Variants in COL25A1 observed in about 807,000 individuals in gnomAD.
The protein encoded by COL25A1 is collagen type XXV alpha 1 chain.
COL25A1 carries 103 observed loss-of-function variants against 128.4 expected under a neutral mutation model. The observed-to-expected ratio is 0.80, with a 90% CI of 0.68 to 0.94. The LOEUF (loss-of-function observed/expected upper bound fraction) is 0.94. COL25A1 is among the 40% of genes least tolerant of loss of function. The probability of loss-of-function intolerance (pLI) is 0.00; values close to 1 mark genes in which losing one functional copy is unlikely to be tolerated. For synonymous variants in COL25A1, 279 were observed against 277.2 expected (o/e 1.01, Z -0.06); for missense variants, 745 against 840.0 (o/e 0.89, Z 1.40).
chr4:109,109,291 C>T (rs759663150), intron 3 of COL25A1, among the ~76,000 whole-genome samples: 6 of 152,146 alleles, frequency 3.9e-5, no homozygotes, highest in African/African-American at 1.2e-4. Context: ...ACCCAGAAAT[C>T]GGAATTTCTC....
At chr4:108,998,081 CT>C (rs1304995788) in intron 6 of COL25A1, among the ~76,000 whole-genome samples, 8 of 152,196 alleles carry the variant, frequency 5.3e-5, no homozygotes, top group Admixed American at 3.3e-4. Flanking sequence ...AGAATGCCCC[CT>C]CTCACCATTC....
intron 31 of COL25A1, among the ~76,000 whole-genome samples, chr4:108,840,098 C>CT (rs1171557652): frequency 6.6e-6 from 1 of 151,660 alleles, no homozygotes; most frequent in Non-Finnish European, 1.5e-5. Context: ...AAAAATTAGC[C>CT]GGGCATGGTG....
At chr4:108,856,459 C>T (rs1054631609) in intron 24 of COL25A1, among the ~76,000 whole-genome samples, 6 of 152,010 alleles carry the variant, frequency 3.9e-5, no homozygotes, top group Non-Finnish European at 8.8e-5. Context: ...CAATGACATA[C>T]CTGCAAAACT....
At chr4:109,076,291 C>T (rs1051009539) in intron 3 of COL25A1, among the ~76,000 whole-genome samples, 2 of 152,140 alleles carry the variant, frequency 1.3e-5, no homozygotes, top group Non-Finnish European at 2.9e-5. Flanking sequence ...ACTATATCAG[C>T]AATATCTGCT....
chr4:109,211,709 G>A (rs759134076), intron 3 of COL25A1, among the ~76,000 whole-genome samples: 5 of 152,068 alleles, frequency 3.3e-5, no homozygotes, highest in African/African-American at 4.8e-5. Flanking sequence ...TCCGTTGCTG[G>A]AGATTCTTTG....
At position 108,889,600 on chromosome 4, in the gene COL25A1, G is replaced by C; in HGVS notation, c.939+101C>G. 4 of 1,005,862 alleles carry C rather than the reference G, an allele frequency of 4.0e-6. No individual in the cohort carries two copies. In the South Asian group the frequency reaches 5.6e-5, roughly 14 times the overall value. 62.3% of individuals were successfully genotyped at this position (1,005,862 alleles called of 1,614,324 possible). A position where few individuals can be genotyped will look rare whatever the true frequency, so the allele number is the denominator to read the frequency against. Reference sequence around the variant, plus strand: ...GTTATTGTAGGAGAATAAGAACAGAGTTATAACCATCAAAGTTGCTAAAAA... The same window carrying C: ...GTTATTGTAGGAGAATAAGAACAGACTTATAACCATCAAAGTTGCTAAAAA... On this transcript the variant is annotated intron_variant, in intron 17 of 37. Coordinates refer to ENST00000399132, the MANE Select transcript of COL25A1 (RefSeq NM_198721.4).
intron 3 of COL25A1, among the ~76,000 whole-genome samples, chr4:109,173,979 C>T (rs1773826490): frequency 6.6e-6 from 1 of 152,090 alleles, no homozygotes; most frequent in Non-Finnish European, 1.5e-5. Flanking sequence ...TTTTAGAGCA[C>T]TTCAGATTTT....
At chr4:109,032,615 T>C (rs1373706400) in intron 5 of COL25A1, among the ~76,000 whole-genome samples, 1 of 152,240 alleles carries the variant, frequency 6.6e-6, no homozygotes, top group Non-Finnish European at 1.5e-5. Flanking sequence ...GATAACATTA[T>C]GCAATTAGCG....
intron 3 of COL25A1, among the ~76,000 whole-genome samples, chr4:109,288,496 T>G (rs965135593): frequency 2.0e-5 from 3 of 152,134 alleles, no homozygotes; most frequent in Non-Finnish European, 4.4e-5. Flanking sequence ...ACTTTTCTGG[T>G]TTTTTTATAT....
chr4:109,069,569 G>T (rs950717527), intron 3 of COL25A1, among the ~76,000 whole-genome samples: 1 of 152,132 alleles, frequency 6.6e-6, no homozygotes. Flanking sequence ...CAGGGACCAT[G>T]ATCATTTAAG....
chr4:109,132,285 TTC>T (rs1769287624), intron 3 of COL25A1, among the ~76,000 whole-genome samples: 1 of 152,130 alleles, frequency 6.6e-6, no homozygotes, highest in Non-Finnish European at 1.5e-5. Flanking sequence ...TGTTTTTACT[TTC>T]TTTTGTTTAT....
chr4:109,062,356 A>G (rs1181724108), intron 3 of COL25A1, among the ~76,000 whole-genome samples: 1 of 152,254 alleles, frequency 6.6e-6, no homozygotes, highest in African/African-American at 2.4e-5. Flanking sequence ...AGGGCTTTTC[A>G]TAAAATAGGA....
At chr4:109,293,198 A>G (rs1054566804) in intron 3 of COL25A1, among the ~76,000 whole-genome samples, 1 of 152,044 alleles carries the variant, frequency 6.6e-6, no homozygotes, top group East Asian at 1.9e-4. Context: ...AAGATCAAAA[A>G]TGGAGGTATA....
chr4:109,058,529 A>G (rs1761656192), intron 3 of COL25A1, among the ~76,000 whole-genome samples: 1 of 152,198 alleles, frequency 6.6e-6, no homozygotes, highest in African/African-American at 2.4e-5. Flanking sequence ...AAAAATGTTA[A>G]ACTAACAGAA....
chr4:108,859,680 G>A lies in COL25A1; in HGVS notation c.1296C>T (p.Asn432=), dbSNP rs372574550. 1.0e-4 allele frequency: 163 copies of A among 1,613,678 alleles called. No homozygotes were observed. The highest frequency in any genetic ancestry group is 4.9e-4 in the Middle Eastern group (3 of 6,068). ...DQGATEIIDY[N]GNLHEALQRI... Reference sequence around the variant, plus strand: ...CCTGTAAGGCTTCGTGGAGGTTGCCGTTGTAGTCTATGATCTCAGTGGCTC... The same window carrying A: ...CCTGTAAGGCTTCGTGGAGGTTGCCATTGTAGTCTATGATCTCAGTGGCTC... Residue 432 remains asparagine, a synonymous_variant, in exon 24 of 38, where the codon AAC becomes AAT. Coordinates refer to ENST00000399132, the MANE Select transcript of COL25A1 (RefSeq NM_198721.4).
intron 19 of COL25A1, among the ~76,000 whole-genome samples, chr4:108,880,233 C>G (rs138303881): frequency 7.2e-5 from 11 of 152,272 alleles, no homozygotes; most frequent in Admixed American, 2.0e-4. Flanking sequence ...GGAAGAAGAA[C>G]ATTGACAGTG....
chr4:109,148,721 C>T (rs886376612), intron 3 of COL25A1, among the ~76,000 whole-genome samples: 1 of 152,190 alleles, frequency 6.6e-6, no homozygotes, highest in Non-Finnish European at 1.5e-5. Context: ...GGCTCCTTAT[C>T]GCCACCCTTC....
intron 16 of COL25A1, among the ~76,000 whole-genome samples, chr4:108,893,760 C>T (rs1044734895): frequency 6.6e-6 from 1 of 152,022 alleles, no homozygotes; most frequent in Non-Finnish European, 1.5e-5. Flanking sequence ...ATACTGAACA[C>T]AAAGGCCATA....
chr4:109,294,333 C>T (rs1308304715), intron 3 of COL25A1, among the ~76,000 whole-genome samples: 2 of 152,110 alleles, frequency 1.3e-5, no homozygotes. Context: ...ATGAAAAGTG[C>T]TCAATTTTAA....
Sources: allele counts gnomAD v4.1 joint callset (sites outside exome capture counted in the v4.1 genomes callset), GRCh38; gene constraint gnomAD v4.1.1; transcripts MANE v1.5; gene names NCBI Gene and HGNC (gene_info 2026-07-23, HGNC 2026-07-21).